The following MTOR variants were observed in gnomAD, a reference collection of about 807,000 sequenced individuals.
MTOR encodes the protein mechanistic target of rapamycin kinase.
MTOR carries 70 observed loss-of-function variants against 319.8 expected under a neutral mutation model. The observed-to-expected ratio is 0.22, with a 90% confidence interval of 0.18 to 0.27. The LOEUF is 0.27. Among genes scored for constraint, MTOR ranks in the 10% least tolerant of loss-of-function variants. The pLI is 1.00. For missense variants in MTOR, 1,890 were observed against 3,274.4 expected (o/e 0.58, Z 10.32); for synonymous variants, 1,183 against 1,211.4 (o/e 0.98, Z 0.49).
At chr1:11,261,544 G>A (rs1461230288) in intron 1 of MTOR, among the ~76,000 whole-genome samples, 1 of 152,066 alleles carries the variant, frequency 6.6e-6, no homozygotes, top group Non-Finnish European at 1.5e-5. Context: ...ACACTGCCAT[G>A]GGTGTAACAT....
chr1:11,159,108 G>T (rs962208568), intron 29 of MTOR, among the ~76,000 whole-genome samples: 1 of 152,206 alleles, frequency 6.6e-6, no homozygotes. Flanking sequence ...TAAACCATCT[G>T]CTGGCAGATC....
In MTOR at chr1:11,256,190, G is replaced by C; in HGVS notation, c.507C>G (p.Val169=). 1.2e-6 allele frequency: 2 copies of C among 1,613,348 alleles called. No individual in the cohort carries two copies. The highest frequency in any genetic ancestry group is 1.7e-6 in the Non-Finnish European group (2 of 1,179,706). ...DRNEGRRHAA[V]LVLRELAISV... is the part of the protein sequence containing the mutation. The stretch of plus-strand genomic sequence containing the variant: ...TGATGGCCAGCTCACGGAGAACCAG[G>C]ACCTGGAGAAAAAAGCAAACCGAGA... The change falls in exon 5 of 58, where the codon GTC becomes GTG. Residue 169 remains valine (V), a splice_region_variant and synonymous_variant. Coordinates refer to ENST00000361445, the MANE Select transcript of MTOR (RefSeq NM_004958.4).
chr1:11,251,171 C>T (rs1470189624), intron 6 of MTOR, among the ~76,000 whole-genome samples: 1 of 152,196 alleles, frequency 6.6e-6, no homozygotes, highest in Non-Finnish European at 1.5e-5. Flanking sequence ...CCCCTCCTTC[C>T]CTTAGGTGTT....
At chr1:11,186,082 CAAAAAAA>C (rs765868801) in intron 28 of MTOR, among the ~76,000 whole-genome samples, 1 of 43,010 alleles carries the variant, frequency 2.3e-5, no homozygotes, top group Non-Finnish European at 4.8e-5. Context: ...GACTCCGTCT[CAAAAAAA>C]AAAAAAAAAA....
At chr1:11,231,247 C>T (rs1647005416) in intron 17 of MTOR, 53 bp downstream of exon 17, 1 of 1,609,644 alleles carries the variant, frequency 6.2e-7, no homozygotes, top group African/African-American at 1.3e-5. Flanking sequence ...CCATCTCTCT[C>T]TTGCCATCGT....
intron 20 of MTOR, among the ~76,000 whole-genome samples, chr1:11,214,876 C>G (rs1336652470): frequency 6.6e-6 from 1 of 152,198 alleles, no homozygotes; most frequent in African/African-American, 2.4e-5. Flanking sequence ...TACCTCCCAG[C>G]TGCATTATCA....
chr1:11,215,752 G>C (rs1646448380), intron 20 of MTOR, among the ~76,000 whole-genome samples: 1 of 152,134 alleles, frequency 6.6e-6, no homozygotes, highest in African/African-American at 2.4e-5. Context: ...CCCAACACGT[G>C]TCCATCATAT....
chr1:11,151,668 C>T lies in MTOR; in HGVS notation c.4470-1442G>A, dbSNP rs570864244. The stretch of plus-strand genomic sequence containing the variant: ...ACCAGGGGTCACAGTTTGAGAACCA[C>T]TGGCTTAAAGCAGAGGCACAGCTCA... On this transcript the variant is annotated intron_variant, in intron 30 of 57. Transcript: ENST00000361445. Among the ~76,000 whole-genome samples, 3 of 152,346 alleles carry T rather than the reference C, an allele frequency of 2.0e-5. No individual in the cohort carries two copies. The South Asian group carries it at 6.2e-4, about 32-fold the overall frequency.
chr1:11,194,329 G>A (rs895208641), intron 28 of MTOR: 10 of 851,482 alleles, frequency 1.2e-5, no homozygotes, highest in African/African-American at 1.7e-5. Context: ...AGGTAAACAA[G>A]TAATAAAGTC....
Position 11,256,202 on chromosome 1 carries a change from A to G in MTOR, c.505-10T>C. On this transcript the variant is annotated splice_polypyrimidine_tract_variant and intron_variant, in intron 4 of 57. Coordinates refer to ENST00000361445, the MANE Select transcript of MTOR (RefSeq NM_004958.4). Reference sequence around the variant, plus strand: ...CACGGAGAACCAGGACCTGGAGAAAAAAGCAAACCGAGAACTCTCATTGGT... The same window carrying G: ...CACGGAGAACCAGGACCTGGAGAAAGAAGCAAACCGAGAACTCTCATTGGT... 1 of 1,611,634 alleles carries G rather than the reference A, an allele frequency of 6.2e-7. No individual in the cohort carries two copies. The highest frequency in any genetic ancestry group is 8.5e-7 in the Non-Finnish European group (1 of 1,178,914).
At position 11,112,886 on chromosome 1, in the gene MTOR, C is replaced by T. The variant is rs781761289; in HGVS notation, c.7332G>A (p.Thr2444=). ...TNTKGNKRSR[T]RTDSYSAGQS... Reference sequence around the variant, plus strand: ...GGCCAGCAGAGTAGGAATCCGTCCTCGTTCGGGATCGCTTGTTGCCTTTGG... The same window carrying T: ...GGCCAGCAGAGTAGGAATCCGTCCTTGTTCGGGATCGCTTGTTGCCTTTGG... Residue 2444 remains threonine, a synonymous_variant, in exon 54 of 58, where the codon ACG becomes ACA. Coordinates refer to ENST00000361445, the MANE Select transcript of MTOR (RefSeq NM_004958.4). The T allele has an allele frequency of 4.3e-6, 7 of 1,614,086 alleles. No individual in the cohort carries two copies. Among genetic ancestry groups the T allele is most frequent in the South Asian group, 2.2e-5 (2 of 91,086 alleles).
chr1:11,239,025 C>T (rs1450284507), intron 11 of MTOR, among the ~76,000 whole-genome samples: 3 of 151,710 alleles, frequency 2.0e-5, no homozygotes, highest in South Asian at 2.1e-4. Context: ...CCGCCCGCCT[C>T]GGCCTCCCAA....
chr1:11,157,987 G>A (rs1175123122), intron 29 of MTOR, among the ~76,000 whole-genome samples: 1 of 152,168 alleles, frequency 6.6e-6, no homozygotes, highest in Non-Finnish European at 1.5e-5. Flanking sequence ...GGGGCCAAAG[G>A]AGGGATTGCA....
At position 11,199,583 on chromosome 1, in the gene MTOR, C is replaced by T. The variant is rs1460288570; in HGVS notation, c.4065G>A (p.Gln1355=). The T allele has an allele frequency of 4.3e-6, 7 of 1,614,072 alleles. No individual in the cohort carries two copies. Among genetic ancestry groups the T allele is most frequent in the Non-Finnish European group, 5.9e-6 (7 of 1,180,032 alleles). ...LTSQDIAEVT[Q]TLLNLAEFME... ...TGAATTCAGCCAAGTTTAAGAGGGTCTGTGTGACTTCAGCGATGTCTTGTG... is the reference window on the plus strand; with the variant it reads ...TGAATTCAGCCAAGTTTAAGAGGGTTTGTGTGACTTCAGCGATGTCTTGTG... Residue 1355 remains glutamine, a synonymous_variant, in exon 27 of 58, where the codon CAG becomes CAA. Transcript: ENST00000361445. This position sits in a 1 kb window ranked among gnomAD's most constrained non-coding sequence, Gnocchi z 4.5.
intron 38 of MTOR, 103 bp from the exon 39 acceptor site, chr1:11,130,880 C>T: frequency 2.1e-6 from 3 of 1,417,322 alleles, no homozygotes; most frequent in Non-Finnish European, 2.8e-6. Flanking sequence ...CCTGCCTGTT[C>T]TGTGTGTCCA....
chr1:11,228,316 G>A (rs1646912180), intron 19 of MTOR, among the ~76,000 whole-genome samples: 1 of 152,042 alleles, frequency 6.6e-6, no homozygotes, highest in African/African-American at 2.4e-5. Context: ...AGCCTCCCGA[G>A]TAGCTGGGAT....
chr1:11,157,205 G>T lies in MTOR; in HGVS notation c.4416C>A (p.Asp1472Glu). 1 of 1,613,998 alleles carries T rather than the reference G, an allele frequency of 6.2e-7. No individual in the cohort carries two copies. Residue 1472 changes from aspartate (D) to glutamate (E), a missense_variant, in exon 30 of 58, where the codon GAC becomes GAA. Physicochemically the swap from Asp to Glu is conservative, Grantham distance 45 (BLOSUM62 2). Around this residue, in one of 15 missense-constraint regions of MTOR, gnomAD observed 276 missense variants for 459.4 expected, o/e 0.60. Coordinates refer to ENST00000361445, the MANE Select transcript of MTOR (RefSeq NM_004958.4). The part of the protein sequence containing the change: ...AYDKKMDTNK[D>E]DPELMLGRMR... ...TGCGGCCCAGCATCAGCTCTGGGTC[G>T]TCCTTGTTGGTGTCCATTTTCTTGT... is the stretch of plus-strand genomic sequence containing the variant.
intron 28 of MTOR, among the ~76,000 whole-genome samples, chr1:11,190,163 T>C (rs1421006986): frequency 6.6e-6 from 1 of 152,206 alleles, no homozygotes; most frequent in African/African-American, 2.4e-5. Flanking sequence ...CCACACAGTG[T>C]TTCAGCCTAC....
At chr1:11,218,504 T>C (rs180697548) in intron 19 of MTOR, among the ~76,000 whole-genome samples, 1 of 152,212 alleles carries the variant, frequency 6.6e-6, no homozygotes, top group Admixed American at 6.5e-5. Context: ...CAAATTTTTA[T>C]TATGCAAAGC....
Sources: allele counts gnomAD v4.1 joint callset (sites outside exome capture counted in the v4.1 genomes callset), GRCh38; gene constraint gnomAD v4.1.1; regional missense constraint gnomAD v4.1.1; non-coding constraint Gnocchi (gnomAD v3.1); transcripts MANE v1.5; gene names NCBI Gene and HGNC (gene_info 2026-07-23, HGNC 2026-07-21).